The following GPC5 variants were observed in gnomAD, a reference collection of about 807,000 sequenced individuals.
GPC5 encodes the protein glypican-5.
In GPC5, 47 loss-of-function variants were observed where a neutral mutation model predicts 53.9. The ratio of observed to expected loss-of-function variants is 0.87; its 90% CI spans 0.69 to 1.11. The LOEUF is 1.11. GPC5 is among the 50% of genes most tolerant of loss of function. The pLI is 0.00. For missense variants in GPC5, 748 were observed against 713.1 expected (o/e 1.05, Z -0.56); for synonymous variants, 286 against 263.3 (o/e 1.09, Z -0.84).
chr13:91,720,265 T>TA (rs2036435165), intron 3 of GPC5, among the ~76,000 whole-genome samples: 1 of 152,222 alleles, frequency 6.6e-6, no homozygotes, highest in African/African-American at 2.4e-5. Context: ...TGTGCTTTCT[T>TA]ACCTGACTCT....
intron 6 of GPC5, among the ~76,000 whole-genome samples, chr13:91,964,606 A>G (rs557715653): frequency 6.6e-6 from 1 of 152,244 alleles, no homozygotes; most frequent in Non-Finnish European, 1.5e-5. Context: ...ACCTTTAGCT[A>G]GACATAGAGC....
intron 7 of GPC5, among the ~76,000 whole-genome samples, chr13:92,788,951 T>C (rs1876361980): frequency 1.3e-5 from 2 of 152,020 alleles, no homozygotes; most frequent in African/African-American, 2.4e-5. Context: ...CAATATTGGG[T>C]AGGGTATTTG....
intron 7 of GPC5, among the ~76,000 whole-genome samples, chr13:92,502,616 G>C (rs1367367164): frequency 6.6e-6 from 1 of 152,062 alleles, no homozygotes; most frequent in East Asian, 1.9e-4. Context: ...AACAAGACCA[G>C]AGACGAAGAG....
At chr13:91,402,874 T>C (rs1877050773) in intron 1 of GPC5, among the ~76,000 whole-genome samples, 2 of 152,348 alleles carry the variant, frequency 1.3e-5, no homozygotes, top group South Asian at 4.1e-4. Context: ...ATCCGTTACA[T>C]TATGGTGAAT....
At chr13:92,654,349 T>C (rs1325632352) in intron 7 of GPC5, among the ~76,000 whole-genome samples, 1 of 152,138 alleles carries the variant, frequency 6.6e-6, no homozygotes, top group Admixed American at 6.6e-5. Flanking sequence ...TTTTCCAGAG[T>C]TGTCAGATAG....
At chr13:92,568,510 CTATT>C (rs1371025634) in intron 7 of GPC5, among the ~76,000 whole-genome samples, 4 of 152,132 alleles carry the variant, frequency 2.6e-5, no homozygotes, top group African/African-American at 9.7e-5. Context: ...TGCCAACAGA[CTATT>C]TAGTTTGTTA....
rs574483816 is a variant in GPC5, at chr13:92,564,201, CTTAG to C, written c.1562-302079_1562-302076del. 1.3e-3 allele frequency among the ~76,000 whole-genome samples: 192 copies of C among 152,008 alleles called. 1 individual carries two copies. Among genetic ancestry groups the C allele is most frequent in the African/African-American group, 4.5e-3 (187 of 41,502 alleles). On this transcript the variant is annotated intron_variant, in intron 7 of 7. Transcript: ENST00000377067. ...CCAGTGCTAGTTGTTCAAATTGTCA[CTTAG>C]TAAGTAATAATTTCCATTTCTGCAG...
At chr13:91,686,878 T>C (rs1316901651) in intron 2 of GPC5, among the ~76,000 whole-genome samples, 1 of 151,832 alleles carries the variant, frequency 6.6e-6, no homozygotes, top group Non-Finnish European at 1.5e-5. Context: ...GACTTGAGAG[T>C]TGTAATGCAC....
chr13:92,074,589 A>G (rs1434227067), intron 6 of GPC5, among the ~76,000 whole-genome samples: 2 of 152,230 alleles, frequency 1.3e-5, no homozygotes. Flanking sequence ...ACACTGTGAT[A>G]AAGAAGTATG....
intron 2 of GPC5, among the ~76,000 whole-genome samples, chr13:91,559,224 G>T (rs2031124715): frequency 6.6e-6 from 1 of 152,136 alleles, no homozygotes; most frequent in Non-Finnish European, 1.5e-5. Context: ...TGACTATGAT[G>T]AAAGCCAACT....
intron 5 of GPC5, among the ~76,000 whole-genome samples, chr13:91,854,013 A>T (rs535509408): frequency 3.3e-5 from 5 of 151,832 alleles, no homozygotes; most frequent in African/African-American, 1.2e-4. Context: ...TTTTTCCTGA[A>T]ATCTCTGCTG....
chr13:92,557,980 G>T (rs1363217560), intron 7 of GPC5, among the ~76,000 whole-genome samples: 2 of 151,904 alleles, frequency 1.3e-5, no homozygotes, highest in Non-Finnish European at 2.9e-5. Flanking sequence ...TCTATATCCA[G>T]ATAAAAAGGA....
chr13:92,614,006 G>A (rs1049060056), intron 7 of GPC5, among the ~76,000 whole-genome samples: 4 of 152,014 alleles, frequency 2.6e-5, no homozygotes, highest in African/African-American at 4.8e-5. Context: ...GGAAAAGAAG[G>A]AATGAAGCCA....
chr13:92,159,432 G>A (rs539097752), intron 7 of GPC5, among the ~76,000 whole-genome samples: 14 of 152,122 alleles, frequency 9.2e-5, no homozygotes, highest in African/African-American at 2.9e-4. Flanking sequence ...AGCAATTTGG[G>A]GCGGGGACTC....
At chr13:92,662,716 G>A (rs768346959) in intron 7 of GPC5, among the ~76,000 whole-genome samples, 1 of 152,122 alleles carries the variant, frequency 6.6e-6, no homozygotes, top group Non-Finnish European at 1.5e-5. Flanking sequence ...ACCAGTGACC[G>A]AAAGATACTC....
At chr13:92,427,685 A>C (rs1876896068) in intron 7 of GPC5, among the ~76,000 whole-genome samples, 1 of 152,082 alleles carries the variant, frequency 6.6e-6, no homozygotes, top group Admixed American at 6.6e-5. Flanking sequence ...CGATGATTCC[A>C]TTGAGTCAAG....
intron 5 of GPC5, among the ~76,000 whole-genome samples, chr13:91,797,137 T>C (rs568428986): frequency 6.6e-6 from 1 of 152,260 alleles, no homozygotes; most frequent in East Asian, 1.9e-4. Flanking sequence ...AAAAACTTCA[T>C]ACTAATCTTT....
At chr13:91,890,837 A>G (rs1260275575) in intron 5 of GPC5, among the ~76,000 whole-genome samples, 5 of 152,200 alleles carry the variant, frequency 3.3e-5, no homozygotes, top group African/African-American at 4.8e-5. Flanking sequence ...GAAGGCATTA[A>G]GAGGAGTAGA....
chr13:92,328,518 G>C (rs2043267389), intron 7 of GPC5, among the ~76,000 whole-genome samples: 1 of 152,096 alleles, frequency 6.6e-6, no homozygotes, highest in African/African-American at 2.4e-5. Flanking sequence ...TCAATTAATG[G>C]AACTAGGCTA....
Sources: allele counts gnomAD v4.1 joint callset (sites outside exome capture counted in the v4.1 genomes callset), GRCh38; gene constraint gnomAD v4.1.1; transcripts MANE v1.5; gene names NCBI Gene and HGNC (gene_info 2026-07-23, HGNC 2026-07-21).